Variants in POLA1 observed in about 807,000 individuals in gnomAD.
POLA1 encodes DNA polymerase alpha catalytic subunit.
POLA1 carries 15 observed loss-of-function variants against 124.0 expected under a neutral mutation model. That is an observed-to-expected ratio of 0.12 (90% confidence interval 0.08 to 0.19). The LOEUF is 0.19. Among genes scored for constraint, POLA1 ranks in the 10% least tolerant of loss-of-function variants. POLA1 has a pLI of 1.00. For missense variants in POLA1, 886 were observed against 1,103.4 expected (o/e 0.80, Z 2.79); for synonymous variants, 408 against 389.4 (o/e 1.05, Z -0.56).
At chrX:24,882,180 G>T (rs2047011054) in intron 34 of POLA1, among the ~76,000 whole-genome samples, 1 of 111,396 alleles carries the variant, frequency 9.0e-6, no homozygotes, top group African/African-American at 3.3e-5. Flanking sequence ...GATTGGAAAT[G>T]AGAGGGGAAG....
At chrX:24,742,928 AGTG>A (rs1389821356) in intron 22 of POLA1, among the ~76,000 whole-genome samples, 14 of 112,326 alleles carry the variant, frequency 1.2e-4, no homozygotes, top group Admixed American at 9.4e-4. Flanking sequence ...TAACATGAAA[AGTG>A]GTATTTTTCA....
At chrX:24,789,768 G>A (rs989707400) in intron 26 of POLA1, among the ~76,000 whole-genome samples, 5 of 112,023 alleles carry the variant, frequency 4.5e-5, no homozygotes, top group African/African-American at 1.6e-4. Flanking sequence ...TTAAGGGTTA[G>A]GTATGTCTAA....
At chrX:24,790,911 GTATATATA>G (rs56343314) in intron 26 of POLA1, among the ~76,000 whole-genome samples, 6 of 78,300 alleles carry the variant, frequency 7.7e-5, no homozygotes, top group East Asian at 7.6e-4. Context: ...TTATGTATAT[GTATATATA>G]TATATATATA....
At chrX:24,913,750 G>A (rs1175170297) in intron 35 of POLA1, among the ~76,000 whole-genome samples, 3 of 96,466 alleles carry the variant, frequency 3.1e-5, no homozygotes, top group Non-Finnish European at 6.2e-5. Context: ...ATGGTAAGCC[G>A]GGCGTGGTGG....
At chrX:24,774,890 G>A (rs949069171) in intron 26 of POLA1, among the ~76,000 whole-genome samples, 1 of 112,082 alleles carries the variant, frequency 8.9e-6, no homozygotes, top group Non-Finnish European at 1.9e-5. Flanking sequence ...TTAGTGACAC[G>A]TAGTATACAA....
intron 30 of POLA1, among the ~76,000 whole-genome samples, chrX:24,815,651 T>C (rs1375947312): frequency 8.9e-6 from 1 of 112,199 alleles, no homozygotes; most frequent in African/African-American, 3.2e-5. Flanking sequence ...CAAAGTATTG[T>C]GTAATAAACA....
intron 26 of POLA1, among the ~76,000 whole-genome samples, chrX:24,761,548 G>A (rs779331280): frequency 4.5e-5 from 5 of 111,380 alleles, no homozygotes; most frequent in African/African-American, 1.6e-4. Context: ...TGTTCTTGAG[G>A]CCACATGTAA....
At chrX:24,753,378 G>C (rs1344165213) in intron 26 of POLA1, among the ~76,000 whole-genome samples, 1 of 99,905 alleles carries the variant, frequency 1.0e-5, no homozygotes, top group African/African-American at 3.9e-5. Context: ...TAAGAAACAG[G>C]GTCTCACTTT....
intron 26 of POLA1, among the ~76,000 whole-genome samples, chrX:24,809,164 C>A (rs1318429488): frequency 1.8e-5 from 2 of 110,959 alleles, no homozygotes; most frequent in Admixed American, 1.9e-4. Flanking sequence ...TAAACGCCCC[C>A]CCCGACACAC....
At chrX:24,955,811 G>T (rs1196920574) in intron 36 of POLA1, among the ~76,000 whole-genome samples, 6 of 111,793 alleles carry the variant, frequency 5.4e-5, no homozygotes, top group African/African-American at 2.0e-4. Flanking sequence ...TTTGTTCAGA[G>T]ATGTGTAGAT....
intron 1 of POLA1, among the ~76,000 whole-genome samples, chrX:24,697,529 C>CTAT (rs1928101529): frequency 9.0e-6 from 1 of 111,608 alleles, no homozygotes; most frequent in Non-Finnish European, 1.9e-5. Context: ...GAAAGTCAAA[C>CTAT]AATAGAGTGT....
rs762334267 is a variant in POLA1 at position 24,902,506 on chromosome X, T to C, written c.4164+14384T>C. On this transcript the variant is annotated intron_variant, in intron 35 of 36. Transcript: ENST00000379068. ...TATCATGTGACTGTTAGACTCCAGT[T>C]TAGTGGTATCAGACTATGCCCTTCT... 3.6e-5 allele frequency among the ~76,000 whole-genome samples: 4 copies of C among 112,155 alleles called. No homozygotes were observed. The East Asian group carries it at 1.1e-3, about 31-fold the overall frequency.
intron 26 of POLA1, among the ~76,000 whole-genome samples, chrX:24,793,766 G>A (rs1200855798): frequency 2.7e-5 from 3 of 109,255 alleles, no homozygotes; most frequent in Non-Finnish European, 3.8e-5. Flanking sequence ...TGTATTTTTA[G>A]TAGAGATGGG....
At chrX:24,772,821 C>T (rs2045065928) in intron 26 of POLA1, among the ~76,000 whole-genome samples, 1 of 111,357 alleles carries the variant, frequency 9.0e-6, no homozygotes, top group South Asian at 3.9e-4. Flanking sequence ...CCCAGCAGTC[C>T]CATTACTGGA....
chrX:24,701,509 C>T (rs1740945696), intron 2 of POLA1, among the ~76,000 whole-genome samples: 1 of 106,172 alleles, frequency 9.4e-6, no homozygotes. Context: ...GATCTTGGCT[C>T]ACTGCAACCT....
In POLA1 at chrX:24,787,781, T is replaced by C. The variant is rs772183047; in HGVS notation, c.2965-22117T>C. Reference sequence around the variant, plus strand: ...CATTGGAATTTTGATAGGAATGACATTGAATCCATAGATTGCTTTGGGGAT... The same window carrying C: ...CATTGGAATTTTGATAGGAATGACACTGAATCCATAGATTGCTTTGGGGAT... On this transcript the variant is annotated intron_variant, in intron 26 of 36. Coordinates refer to ENST00000379068, the MANE Select transcript of POLA1 (RefSeq NM_001330360.2). Among the ~76,000 whole-genome samples, 4 of 112,271 alleles carry C rather than the reference T, an allele frequency of 3.6e-5. No homozygotes were observed. The Admixed American group carries it at 3.8e-4, about 11-fold the overall frequency.
intron 36 of POLA1, among the ~76,000 whole-genome samples, chrX:24,990,540 G>A (rs2048523730): frequency 8.9e-6 from 1 of 112,472 alleles, no homozygotes; most frequent in East Asian, 2.8e-4. Context: ...AGAACATTTT[G>A]CTGGTCTGAA....
At position 24,965,803 on chromosome X, in the gene POLA1, T is replaced by C. The variant is rs367982821; in HGVS notation, c.4262-30002T>C. On this transcript the variant is annotated intron_variant, in intron 36 of 36. Transcript: ENST00000379068. Reference sequence around the variant, plus strand: ...AGATTAAAAAGAGCAAGAAGAGTGATTCCAGGAAAGTTTTCTTTTTCACTT... The same window carrying C: ...AGATTAAAAAGAGCAAGAAGAGTGACTCCAGGAAAGTTTTCTTTTTCACTT... 6.2e-5 allele frequency among the ~76,000 whole-genome samples: 7 copies of C among 112,603 alleles called. No homozygotes were observed. In the East Asian group the frequency reaches 1.9e-3, roughly 31 times the overall value.
intron 30 of POLA1, among the ~76,000 whole-genome samples, chrX:24,820,826 A>G (rs1329580052): frequency 1.8e-5 from 2 of 110,701 alleles, no homozygotes. Context: ...TTATTCTGAG[A>G]ATTATTACAG....
Sources: gnomAD v4.1 joint callset for allele counts (sites outside exome capture counted in the v4.1 genomes callset) on GRCh38, gnomAD v4.1.1 for gene constraint, MANE v1.5 for transcripts, NCBI Gene and HGNC (gene_info 2026-07-23, HGNC 2026-07-21) for gene names.